Variants in FYB1 observed in about 807,000 individuals in gnomAD.
The protein encoded by FYB1 is FYN-binding protein 1.
A neutral mutation model predicts 94.1 loss-of-function variants in FYB1; 41 were observed. The ratio of observed to expected loss-of-function variants is 0.44; its 90% CI spans 0.34 to 0.57. The LOEUF (loss-of-function observed/expected upper bound fraction) is 0.57. FYB1 is among the 20% of genes least tolerant of loss of function. The probability of loss-of-function intolerance (pLI) is 0.02; values close to 1 mark genes in which losing one functional copy is unlikely to be tolerated. For synonymous variants in FYB1, 367 were observed against 353.2 expected (o/e 1.04, Z -0.44); for missense variants, 1,050 against 976.8 (o/e 1.07, Z -1.00).
intron 2 of FYB1, among the ~76,000 whole-genome samples, chr5:39,197,276 T>G (rs532319872): frequency 6.6e-6 from 1 of 152,314 alleles, no homozygotes; most frequent in East Asian, 1.9e-4. Context: ...TAATAGAATC[T>G]CATTTTTTCT....
intron 1 of FYB1, among the ~76,000 whole-genome samples, chr5:39,265,704 C>T (rs752833560): frequency 2.0e-5 from 3 of 152,074 alleles, no homozygotes; most frequent in African/African-American, 2.4e-5. Context: ...TTTCCAGGCC[C>T]CATCCTTGAC....
chr5:39,165,876 T>C (rs1744683035), intron 2 of FYB1, among the ~76,000 whole-genome samples: 1 of 152,198 alleles, frequency 6.6e-6, no homozygotes, highest in African/African-American at 2.4e-5. Flanking sequence ...TATGAAAAAG[T>C]GCTCCACATC....
intron 1 of FYB1, among the ~76,000 whole-genome samples, chr5:39,243,981 A>G (rs1470900788): frequency 3.3e-5 from 5 of 152,126 alleles, no homozygotes; most frequent in Non-Finnish European, 7.4e-5. Context: ...TGATTTTTGC[A>G]CACTGATTTT....
At chr5:39,271,068 C>T (rs958260927) in intron 1 of FYB1, among the ~76,000 whole-genome samples, 4 of 151,570 alleles carry the variant, frequency 2.6e-5, no homozygotes, top group African/African-American at 9.7e-5. Context: ...TTCAAGTTTT[C>T]TATCTTGGGT....
intron 2 of FYB1, among the ~76,000 whole-genome samples, chr5:39,185,276 G>C (rs540048776): frequency 2.4e-4 from 36 of 152,090 alleles, no homozygotes; most frequent in African/African-American, 8.2e-4. Flanking sequence ...GTCAATACCT[G>C]AGGATGATTG....
chr5:39,176,266 T>C (rs548769000), intron 2 of FYB1, among the ~76,000 whole-genome samples: 54 of 148,232 alleles, frequency 3.6e-4, no homozygotes, highest in African/African-American at 1.3e-3. Flanking sequence ...TTCTCCTGCC[T>C]CAGCCTCCCG....
chr5:39,130,731 A>G (rs954599511), intron 9 of FYB1, 119 bp from the exon 10 acceptor site: 1 of 779,266 alleles, frequency 1.3e-6, no homozygotes, highest in South Asian at 1.6e-5. Flanking sequence ...GAAAGTTCTT[A>G]GAATGCTATA....
chr5:39,112,369 A>G (rs185030861), intron 16 of FYB1, among the ~76,000 whole-genome samples: 3 of 152,168 alleles, frequency 2.0e-5, no homozygotes, highest in Non-Finnish European at 4.4e-5. Context: ...TTTAAAAATA[A>G]TGATGTATAT....
rs1329330129 is a variant in FYB1 at position 39,172,378 on chromosome 5, A to G, written c.1136-18774T>C. 5.3e-5 allele frequency among the ~76,000 whole-genome samples: 8 copies of G among 152,218 alleles called. No individual in the cohort carries two copies. The East Asian group carries it at 1.2e-3, about 22-fold the overall frequency. On this transcript the variant is annotated intron_variant, in intron 2 of 18. Transcript: ENST00000512982. ...GGAGAATCACTTGAACCTGAGAGGC[A>G]GAGGTTGCAGTGAGCCGAGATCATG...
intron 1 of FYB1, among the ~76,000 whole-genome samples, chr5:39,271,393 G>A (rs1752659663): frequency 6.6e-6 from 1 of 152,122 alleles, no homozygotes; most frequent in Non-Finnish European, 1.5e-5. Flanking sequence ...TACAGATTTG[G>A]CCCCTTTAAT....
At chr5:39,195,643 C>T (rs890542125) in intron 2 of FYB1, among the ~76,000 whole-genome samples, 2 of 152,148 alleles carry the variant, frequency 1.3e-5, no homozygotes, top group African/African-American at 4.8e-5. Flanking sequence ...CTATAGCTAA[C>T]ATATGGAAAA....
intron 1 of FYB1, among the ~76,000 whole-genome samples, chr5:39,208,582 T>C (rs939062599): frequency 3.9e-5 from 6 of 151,924 alleles, no homozygotes; most frequent in African/African-American, 1.4e-4. Flanking sequence ...TTACCCATGA[T>C]AGGACCCCAG....
chr5:39,129,279 G>T (rs367913816), intron 10 of FYB1, among the ~76,000 whole-genome samples: 1 of 151,812 alleles, frequency 6.6e-6, no homozygotes, highest in Non-Finnish European at 1.5e-5. Flanking sequence ...AAAACTAGGC[G>T]CCATCTCTCA....
At chr5:39,252,008 G>A (rs1751732845) in intron 1 of FYB1, among the ~76,000 whole-genome samples, 1 of 152,106 alleles carries the variant, frequency 6.6e-6, no homozygotes, top group Admixed American at 6.5e-5. Context: ...AGCCTGGAGT[G>A]GTGGCGGGCG....
intron 2 of FYB1, among the ~76,000 whole-genome samples, chr5:39,155,419 C>G (rs1474409943): frequency 6.6e-6 from 1 of 152,176 alleles, no homozygotes; most frequent in African/African-American, 2.4e-5. Flanking sequence ...TAGAGGTAGA[C>G]AGAATTAGTT....
intron 1 of FYB1, among the ~76,000 whole-genome samples, chr5:39,216,835 TC>T (rs1432426906): frequency 6.6e-6 from 1 of 152,176 alleles, no homozygotes; most frequent in Non-Finnish European, 1.5e-5. Flanking sequence ...AGCAAAGTCA[TC>T]CACTGCTCTG....
At chr5:39,266,829 GAC>G (rs1752456239) in intron 1 of FYB1, among the ~76,000 whole-genome samples, 1 of 152,180 alleles carries the variant, frequency 6.6e-6, no homozygotes, top group South Asian at 2.1e-4. Flanking sequence ...AGCAGAAGCA[GAC>G]ATGACAGCTG....
intron 12 of FYB1, among the ~76,000 whole-genome samples, chr5:39,124,712 G>A (rs966494021): frequency 1.3e-5 from 2 of 151,900 alleles, no homozygotes; most frequent in South Asian, 2.1e-4. Flanking sequence ...AATTAATAGA[G>A]GTCACAGGAA....
chr5:39,216,345 T>C (rs371197372), intron 1 of FYB1, among the ~76,000 whole-genome samples: 7 of 152,320 alleles, frequency 4.6e-5, no homozygotes, highest in African/African-American at 1.4e-4. Context: ...GTGGTATGCA[T>C]GTTGTTAAAA....
Sources: allele counts gnomAD v4.1 joint callset (sites outside exome capture counted in the v4.1 genomes callset), GRCh38; gene constraint gnomAD v4.1.1; transcripts MANE v1.5; gene names NCBI Gene and HGNC (gene_info 2026-07-23, HGNC 2026-07-21).